The following KIFAP3 variants were observed in gnomAD, a reference collection of about 807,000 sequenced individuals.
KIFAP3 encodes kinesin-associated protein 3.
KIFAP3 carries 68 observed loss-of-function variants against 106.5 expected under a neutral mutation model. That is an observed-to-expected ratio of 0.64 (90% CI 0.53 to 0.78). The LOEUF (loss-of-function observed/expected upper bound fraction) is 0.78. Ranked by LOEUF, KIFAP3 falls within the 30% of genes least tolerant of loss-of-function variation. The pLI is 0.00. For synonymous variants in KIFAP3, 320 were observed against 311.5 expected (o/e 1.03, Z -0.29); for missense variants, 780 against 941.8 (o/e 0.83, Z 2.25).
In KIFAP3 at chr1:170,031,909, A is replaced by T; in HGVS notation, c.818T>A (p.Val273Glu). Residue 273 changes from valine to glutamate, a missense_variant, in exon 8 of 20, where the codon GTA (valine) becomes GAA (glutamate). This residue lies in a region of KIFAP3 where 588 missense variants were observed against 678.9 expected (regional missense o/e 0.87). Coordinates refer to ENST00000361580, the MANE Select transcript of KIFAP3 (RefSeq NM_014970.4). ...ACCTCGTAATAGCTGTTCCTGTTTT[A>T]CCACAAGCCCCTGGTACTTTTTAAA... ...KTFKKYQGLVVKQEQLLRVAL... is the reference protein window; with the variant it reads ...KTFKKYQGLVEKQEQLLRVAL... 6.2e-7 allele frequency: 1 copy of T among 1,610,034 alleles called. No individual in the cohort carries two copies. The highest frequency in any genetic ancestry group is 1.7e-4 in the Middle Eastern group (1 of 6,046).
chr1:170,082,976 A>G (rs1316048239), intron 1 of KIFAP3, among the ~76,000 whole-genome samples: 1 of 152,200 alleles, frequency 6.6e-6, no homozygotes, highest in African/African-American at 2.4e-5. Context: ...CTGTCTCAAA[A>G]AATAATAATA....
chr1:169,991,118 T>A (rs566678718), intron 11 of KIFAP3, among the ~76,000 whole-genome samples: 27 of 152,114 alleles, frequency 1.8e-4, no homozygotes, highest in Non-Finnish European at 3.2e-4. Context: ...CGGGGGAAGA[T>A]TACTTGAAGC....
intron 19 of KIFAP3, among the ~76,000 whole-genome samples, chr1:169,942,031 T>G (rs994709503): frequency 4.9e-5 from 1 of 20,210 alleles, no homozygotes; most frequent in African/African-American, 6.0e-4. Flanking sequence ...GTATAGTGTG[T>G]GTTAACAACA....
intron 9 of KIFAP3, among the ~76,000 whole-genome samples, chr1:170,019,486 T>C (rs1668694987): frequency 6.6e-6 from 1 of 152,148 alleles, no homozygotes; most frequent in Non-Finnish European, 1.5e-5. Context: ...GACCAAGTAA[T>C]GTTTATCCCC....
chr1:169,972,432 A>G, intron 17 of KIFAP3, 81 bp downstream of exon 17: 2 of 711,480 alleles, frequency 2.8e-6, no homozygotes, highest in South Asian at 3.4e-5. Flanking sequence ...CACTGAATGC[A>G]TTGTTTAAAA....
chr1:169,998,445 ACT>A (rs1005264146), intron 10 of KIFAP3, among the ~76,000 whole-genome samples: 5 of 149,596 alleles, frequency 3.3e-5, no homozygotes, highest in Non-Finnish European at 7.4e-5. Context: ...CACCACACAC[ACT>A]TTTTTTTTTT....
intron 1 of KIFAP3, among the ~76,000 whole-genome samples, chr1:170,062,787 C>A (rs542745500): frequency 2.2e-4 from 33 of 152,116 alleles, no homozygotes; most frequent in African/African-American, 7.7e-4. Context: ...TGAAATCATG[C>A]CTATTCTTAT....
chr1:169,978,422 G>T (rs956871243), intron 15 of KIFAP3, among the ~76,000 whole-genome samples: 1 of 151,780 alleles, frequency 6.6e-6, no homozygotes, highest in African/African-American at 2.4e-5. Context: ...GTTCTATTTT[G>T]TCTTTATAAT....
chr1:169,944,036 A>C (rs1030743603), intron 19 of KIFAP3, among the ~76,000 whole-genome samples: 6 of 152,194 alleles, frequency 3.9e-5, no homozygotes, highest in Non-Finnish European at 8.8e-5. Flanking sequence ...GCCACCCAGA[A>C]ACCATTGTGG....
intron 1 of KIFAP3, among the ~76,000 whole-genome samples, chr1:170,072,183 C>T (rs1343372254): frequency 6.6e-6 from 1 of 152,166 alleles, no homozygotes; most frequent in Non-Finnish European, 1.5e-5. Flanking sequence ...AGTCTCAACT[C>T]TTTACTAAAG....
At chr1:169,989,929 G>T (rs575542705) in intron 11 of KIFAP3, 2 of 881,318 alleles carry the variant, frequency 2.3e-6, no homozygotes, top group South Asian at 1.9e-5. Context: ...CAAGTAACAT[G>T]CATTTAATAA....
chr1:169,935,088 T>A (rs946489790), intron 19 of KIFAP3, among the ~76,000 whole-genome samples: 7 of 152,132 alleles, frequency 4.6e-5, no homozygotes, highest in Non-Finnish European at 4.4e-5. Context: ...AAATGCTTTT[T>A]AAAAATACTT....
chr1:169,947,541 A>C (rs1475919927), intron 19 of KIFAP3, among the ~76,000 whole-genome samples: 1 of 151,886 alleles, frequency 6.6e-6, no homozygotes, highest in Non-Finnish European at 1.5e-5. Context: ...TATGACAGTG[A>C]CTTGCATTCA....
intron 19 of KIFAP3, among the ~76,000 whole-genome samples, chr1:169,934,142 T>C (rs1663652455): frequency 6.6e-6 from 1 of 152,160 alleles, no homozygotes; most frequent in Non-Finnish European, 1.5e-5. Flanking sequence ...AGTTAAGGGA[T>C]ACTCTATCAT....
chr1:169,994,267 C>A (rs1667264837), intron 10 of KIFAP3, among the ~76,000 whole-genome samples: 1 of 152,170 alleles, frequency 6.6e-6, no homozygotes, highest in Non-Finnish European at 1.5e-5. Flanking sequence ...ACAGGTCTCT[C>A]TGATTCCCAA....
At chr1:169,963,333 T>G (rs1665433744) in intron 17 of KIFAP3, among the ~76,000 whole-genome samples, 1 of 152,182 alleles carries the variant, frequency 6.6e-6, no homozygotes, top group Non-Finnish European at 1.5e-5. Flanking sequence ...TGTATAACAT[T>G]TTCTTTAGCC....
At chr1:169,955,613 G>A (rs1362491391) in intron 18 of KIFAP3, among the ~76,000 whole-genome samples, 3 of 152,006 alleles carry the variant, frequency 2.0e-5, no homozygotes. Flanking sequence ...ATTAAGTGGG[G>A]TAATTTGTAT....
intron 19 of KIFAP3, among the ~76,000 whole-genome samples, chr1:169,953,349 CT>C (rs914513704): frequency 2.1e-4 from 32 of 151,986 alleles, no homozygotes; most frequent in African/African-American, 7.7e-4. Flanking sequence ...ACAGCTATGT[CT>C]TGGGTAATTG....
chr1:169,945,445 C>T (rs1407082902), intron 19 of KIFAP3, among the ~76,000 whole-genome samples: 2 of 152,194 alleles, frequency 1.3e-5, no homozygotes, highest in African/African-American at 4.8e-5. Context: ...TGCCTCTTCC[C>T]AGCCTGACAG....
Sources: gnomAD v4.1 joint callset for allele counts (sites outside exome capture counted in the v4.1 genomes callset) on GRCh38, gnomAD v4.1.1 for gene constraint, gnomAD v4.1.1 regional missense constraint, MANE v1.5 for transcripts, NCBI Gene and HGNC (gene_info 2026-07-23, HGNC 2026-07-21) for gene names.